The following ZNF836 variants were observed in gnomAD, a reference collection of about 807,000 sequenced individuals.
ZNF836 encodes the protein zinc finger protein 836.
ZNF836 carries 12 observed loss-of-function variants against 7.4 expected under a neutral mutation model. The ratio of observed to expected loss-of-function variants is 1.61; its 90% CI spans 1.03 to 2.61. The LOEUF (loss-of-function observed/expected upper bound fraction) is 2.61. Ranked by LOEUF, ZNF836 falls within the 30% of genes most tolerant of loss-of-function variation. The probability of loss-of-function intolerance (pLI) is 0.00; values close to 1 mark genes in which losing one functional copy is unlikely to be tolerated. For missense variants in ZNF836, 998 were observed against 1,126.2 expected (o/e 0.89, Z 1.63); for synonymous variants, 365 against 382.6 (o/e 0.95, Z 0.54).
chr19:52,164,117 G>A, intron 3 of ZNF836, among the ~76,000 whole-genome samples: 1 of 151,874 alleles, frequency 6.6e-6, no homozygotes, highest in East Asian at 1.9e-4. Flanking sequence ...ATGGCCGGGT[G>A]CAGTGGCTCA....
chr19:52,156,591 G>C lies in ZNF836; in HGVS notation c.1092C>G (p.Gly364=). The C allele has an allele frequency of 5.6e-6, 9 of 1,613,362 alleles. No individual in the cohort carries two copies. Among genetic ancestry groups the C allele is most frequent in the Non-Finnish European group, 7.6e-6 (9 of 1,179,550 alleles). The part of the protein sequence containing the change: ...GEKPYQCDIC[G]KVFRQNSNLV... The stretch of plus-strand genomic sequence containing the variant: ...GATTAGAATTCTGCCTGAAGACCTT[G>C]CCACATATATCACATTGATATGGTT... Residue 364 remains glycine, a synonymous_variant, in exon 5 of 5, where the codon GGC becomes GGG. Coordinates refer to ENST00000682614, the MANE Select transcript of ZNF836 (RefSeq NM_001102657.3).
In ZNF836 at chr19:52,156,501, G is replaced by C; in HGVS notation, c.1182C>G (p.Ser394=). ...TTGCCAGGTTGGAACTTTGACTAAA[G>C]GACTTTCCACATATGTTGCATTTGT... is the stretch of plus-strand genomic sequence containing the variant. ...KPYKCNICGK[S]FSQSSNLATH... is the part of the protein sequence containing the mutation. Residue 394 remains serine (S), a synonymous_variant, in exon 5 of 5, where the codon TCC becomes TCG. Coordinates refer to ENST00000682614, the MANE Select transcript of ZNF836 (RefSeq NM_001102657.3). 1 of 1,614,078 alleles carries C rather than the reference G, an allele frequency of 6.2e-7. No homozygotes were observed.
intron 3 of ZNF836, among the ~76,000 whole-genome samples, chr19:52,167,736 C>T (rs2089278376): frequency 6.6e-6 from 1 of 152,112 alleles, no homozygotes; most frequent in Non-Finnish European, 1.5e-5. Flanking sequence ...CTACAGAGAG[C>T]TGACTGCATC....
chr19:52,166,722 C>T (rs532511442), intron 3 of ZNF836, among the ~76,000 whole-genome samples: 123 of 151,818 alleles, frequency 8.1e-4, no homozygotes, highest in Non-Finnish European at 1.3e-3. Flanking sequence ...TACAGGCCCC[C>T]GCCACCACGC....
In ZNF836 at chr19:52,157,069, G is replaced by A. The variant is rs776258738; in HGVS notation, c.614C>T (p.Pro205Leu). The change falls in exon 5 of 5, where the codon CCC becomes CTC. Residue 205 changes from proline (P) to leucine (L), a missense_variant. By Grantham distance (98) the Pro-to-Leu change is moderately conservative. Transcript: ENST00000682614. ...YENEFLQLSL[P>L]TQLEKTHIRE... ...AATGTGTGTTTTCTCAAGTTGGGTG[G>A]GTAATGACAGCTGCAAAAACTCATT... The A allele has an allele frequency of 6.2e-7, 1 of 1,613,782 alleles. No individual in the cohort carries two copies. The highest frequency in any genetic ancestry group is 1.3e-5 in the African/African-American group (1 of 74,898).
Position 52,154,577 on chromosome 19 carries a change from T to G in ZNF836, c.*295A>C, listed in dbSNP as rs941281548. ...AGGGAGACTGAGGCAGGAGAATCACTTGAACCTGGGAGGCAGAGGTTGCAG... is the reference window on the plus strand; with the variant it reads ...AGGGAGACTGAGGCAGGAGAATCACGTGAACCTGGGAGGCAGAGGTTGCAG... On this transcript the variant is annotated 3_prime_UTR_variant, in exon 5 of 5. Coordinates refer to ENST00000682614, the MANE Select transcript of ZNF836 (RefSeq NM_001102657.3). 3 of 201,214 alleles carry G rather than the reference T, an allele frequency of 1.5e-5. No individual in the cohort carries two copies. The highest frequency in any genetic ancestry group is 3.1e-5 in the Non-Finnish European group (3 of 98,350). 12.5% of individuals were successfully genotyped at this position (201,214 alleles called of 1,614,324 possible).
rs775140353 is a variant in ZNF836 at position 52,157,052 on chromosome 19, T to C, written c.631A>G (p.Thr211Ala). 1 of 1,614,002 alleles carries C rather than the reference T, an allele frequency of 6.2e-7. No homozygotes were observed. The highest frequency in any genetic ancestry group is 1.1e-5 in the South Asian group (1 of 91,086). ...ATATAAGGTTTTTCCCTAATGTGTG[T>C]TTTCTCAAGTTGGGTGGGTAATGAC... Reference protein sequence around the residue: ...QLSLPTQLEKTHIREKPYMCK... With the variant: ...QLSLPTQLEKAHIREKPYMCK... Residue 211 changes from threonine (T) to alanine (A), a missense_variant, in exon 5 of 5, where the codon ACA becomes GCA. Physicochemically the swap from Thr to Ala is moderately conservative, Grantham distance 58 (BLOSUM62 0). Coordinates refer to ENST00000682614, the MANE Select transcript of ZNF836 (RefSeq NM_001102657.3).
In ZNF836 at chr19:52,169,720, G is replaced by C; in HGVS notation, c.-153C>G. The C allele has an allele frequency of 6.6e-6, 1 of 151,836 alleles. No homozygotes were observed. Among genetic ancestry groups the C allele is most frequent in the Non-Finnish European group, 1.5e-5 (1 of 68,074 alleles). The allele number at this position is 151,836 out of a possible 1,614,324, so 9.4% of individuals were successfully genotyped here. A position where few individuals can be genotyped will look rare whatever the true frequency, so the allele number is the denominator to read the frequency against. The stretch of plus-strand genomic sequence containing the variant: ...AGGCAGAAAGACTGCTTGAGCCCAG[G>C]AGGTTGAGGCTGCAGTGAGCGGAGA... On this transcript the variant is annotated 5_prime_UTR_variant, in exon 2 of 5. Transcript: ENST00000682614.
At chr19:52,170,390 G>A in intron 1 of ZNF836, 1 of 152,324 alleles carries the variant, frequency 6.6e-6, no homozygotes, top group Non-Finnish European at 1.5e-5. Context: ...CCACTCTCTA[G>A]CACCCCCAAC....
At position 52,161,349 on chromosome 19, in the gene ZNF836, T is replaced by G. The variant is rs1037762920; in HGVS notation, c.16-758A>C. 6.6e-6 allele frequency among the ~76,000 whole-genome samples: 1 copy of G among 152,208 alleles called. No homozygotes were observed. Among genetic ancestry groups the G allele is most frequent in the African/African-American group, 2.4e-5 (1 of 41,448 alleles). ...ATGTATTTCTCATGATTCTGCTGGC[T>G]GGGGAAATCCAAGATCAAGGTGCCA... On this transcript the variant is annotated intron_variant, in intron 3 of 4. Transcript: ENST00000682614. The surrounding 1 kb of genome is among the most constrained non-coding windows in gnomAD (Gnocchi z 4.1).
At chr19:52,167,469 TCTCAAAA>T (rs2089275410) in intron 3 of ZNF836, among the ~76,000 whole-genome samples, 1 of 57,186 alleles carries the variant, frequency 1.7e-5, no homozygotes, top group Non-Finnish European at 3.3e-5. Flanking sequence ...CGAAACTCCG[TCTCAAAA>T]AAAAAAAAAA....
chr19:52,154,854 T>C lies in ZNF836; in HGVS notation c.*18A>G. 3 of 1,488,580 alleles carry C rather than the reference T, an allele frequency of 2.0e-6. No homozygotes were observed. Among genetic ancestry groups the C allele is most frequent in the South Asian group, 2.8e-5 (2 of 70,708 alleles). 92.2% of individuals were successfully genotyped at this position (1,488,580 alleles called of 1,614,324 possible). On this transcript the variant is annotated 3_prime_UTR_variant, in exon 5 of 5. Coordinates refer to ENST00000682614, the MANE Select transcript of ZNF836 (RefSeq NM_001102657.3). ...AGACGGAAGTGACAAATATACAAGC[T>C]ATATCAATAAGTATGAATTATTTGA... is the stretch of plus-strand genomic sequence containing the variant.
intron 1 of ZNF836, among the ~76,000 whole-genome samples, chr19:52,170,795 G>A (rs1223082574): frequency 2.6e-5 from 4 of 151,964 alleles, no homozygotes; most frequent in Admixed American, 2.6e-4. Flanking sequence ...TTCCTCTCCT[G>A]ATCCCTCTCA....
chr19:52,159,566 A>G (rs1209429885), intron 4 of ZNF836, among the ~76,000 whole-genome samples: 1 of 152,214 alleles, frequency 6.6e-6, no homozygotes, highest in Non-Finnish European at 1.5e-5. Flanking sequence ...CCCTTCATGA[A>G]TAACAGTATC....
rs1568572072 is a variant in ZNF836 at position 52,161,087 on chromosome 19, A to G, written c.16-496T>C. ...TAATTCAAATAATAACATAATAGAT[A>G]GAGAGATAGAGAGATTTGTTCCCAT... On this transcript the variant is annotated intron_variant, in intron 3 of 4. Transcript: ENST00000682614. This position sits in a 1 kb window ranked among gnomAD's most constrained non-coding sequence, Gnocchi z 4.1. Among the ~76,000 whole-genome samples the G allele has an allele frequency of 6.6e-6, 1 of 150,418 alleles. No individual in the cohort carries two copies. Among genetic ancestry groups the G allele is most frequent in the Non-Finnish European group, 1.5e-5 (1 of 68,042 alleles).
intron 3 of ZNF836, 35 bp from the exon 4 acceptor site, chr19:52,160,626 G>C (rs757576515): frequency 7.0e-6 from 11 of 1,582,086 alleles, no homozygotes; most frequent in Non-Finnish European, 9.4e-6. Context: ...ATGAGCAATG[G>C]GAGAGCTCTT....
intron 3 of ZNF836, among the ~76,000 whole-genome samples, chr19:52,167,045 A>T (rs1376128573): frequency 2.0e-5 from 3 of 152,088 alleles, no homozygotes; most frequent in Non-Finnish European, 4.4e-5. Context: ...CTGCTCCTAC[A>T]TCTGAGCAAA....
Position 52,157,276 on chromosome 19 carries a change from C to T in ZNF836, c.407G>A (p.Cys136Tyr). Residue 136 changes from cysteine to tyrosine, a missense_variant, in exon 5 of 5, where the codon TGT (cysteine) becomes TAT (tyrosine). Physicochemically the swap from Cys to Tyr is radical, Grantham distance 194. Coordinates refer to ENST00000682614, the MANE Select transcript of ZNF836 (RefSeq NM_001102657.3). ...QHSQEDVENK[C>Y]IENQLTLSFQ... ...GCTTAATGTAAGCTGATTTTCAATA[C>T]ATTTGTTTTCTACATCCTCTTGACT... 2 of 1,605,500 alleles carry T rather than the reference C, an allele frequency of 1.2e-6. No individual in the cohort carries two copies. The highest frequency in any genetic ancestry group is 2.2e-5 in the East Asian group (1 of 44,752).
In ZNF836 at chr19:52,156,492, T is replaced by C; in HGVS notation, c.1191A>G (p.Gln397=). The change falls in exon 5 of 5, where the codon CAA becomes CAG. Residue 397 remains glutamine (Q), a synonymous_variant. Transcript: ENST00000682614. ...TCTGATGAGTTGCCAGGTTGGAACTTTGACTAAAGGACTTTCCACATATGT... is the reference window on the plus strand; with the variant it reads ...TCTGATGAGTTGCCAGGTTGGAACTCTGACTAAAGGACTTTCCACATATGT... ...KCNICGKSFS[Q]SSNLATHQTV... The C allele has an allele frequency of 1.2e-6, 2 of 1,614,078 alleles. No individual in the cohort carries two copies. The highest frequency in any genetic ancestry group is 1.7e-6 in the Non-Finnish European group (2 of 1,180,012).
Sources: allele counts gnomAD v4.1 joint callset (sites outside exome capture counted in the v4.1 genomes callset), GRCh38; gene constraint gnomAD v4.1.1; non-coding constraint Gnocchi (gnomAD v3.1); transcripts MANE v1.5; gene names NCBI Gene and HGNC (gene_info 2026-07-23, HGNC 2026-07-21).